GALNT13: variants seen among roughly 807,000 people sequenced by gnomAD.
GALNT13 encodes the protein UDP-GalNAc:polypeptide N-acetylgalactosaminyltransferase 13.
GALNT13 carries 28 observed loss-of-function variants against 64.2 expected under a neutral mutation model. The observed-to-expected ratio is 0.44, with a 90% confidence interval of 0.32 to 0.60. GALNT13 has a LOEUF of 0.60. Among genes scored for constraint, GALNT13 ranks in the 20% least tolerant of loss-of-function variants. The probability of loss-of-function intolerance (pLI) is 0.05; values close to 1 mark genes in which losing one functional copy is unlikely to be tolerated. For synonymous variants in GALNT13, 214 were observed against 224.6 expected, an observed-to-expected ratio of 0.95 and a Z score of 0.42; for missense variants, 577 against 669.8, an observed-to-expected ratio of 0.86 and a Z score of 1.53.
At chr2:154,390,089 C>T (rs1273715443) in intron 9 of GALNT13, among the ~76,000 whole-genome samples, 1 of 152,058 alleles carries the variant, frequency 6.6e-6, no homozygotes, top group Non-Finnish European at 1.5e-5. Context: ...ATAAAAAAAT[C>T]ATAAATATCA....
the GALNT13 span, among the ~76,000 whole-genome samples, chr2:153,646,958 T>A: frequency 6.6e-6 from 1 of 152,222 alleles, no homozygotes; most frequent in African/African-American, 2.4e-5. Context: ...GCATGATTTA[T>A]ATTCCTTTGG....
intron 11 of GALNT13, among the ~76,000 whole-genome samples, chr2:154,420,906 G>A (rs1215403501): frequency 6.6e-6 from 1 of 152,104 alleles, no homozygotes; most frequent in African/African-American, 2.4e-5. Context: ...TTGCTTTGCT[G>A]TACCTGTGAT....
At chr2:153,654,204 AG>A in the GALNT13 span, among the ~76,000 whole-genome samples, 2 of 152,156 alleles carry the variant, frequency 1.3e-5, no homozygotes, top group African/African-American at 4.8e-5. Context: ...TACAAAACAC[AG>A]TTTTTTCAAC....
At chr2:154,142,796 A>C (rs1461318403) in intron 4 of GALNT13, among the ~76,000 whole-genome samples, 1 of 151,820 alleles carries the variant, frequency 6.6e-6, no homozygotes, top group African/African-American at 2.4e-5. Context: ...TTATGTAAAA[A>C]TAATTTTACA....
intron 9 of GALNT13, among the ~76,000 whole-genome samples, chr2:154,354,643 T>C (rs1430552001): frequency 2.5e-4 from 38 of 151,474 alleles, no homozygotes; most frequent in Non-Finnish European, 1.2e-4. Context: ...ATGTGGAAAC[T>C]CACTTCTGCA....
At chr2:153,954,800 G>C (rs1169618593) in intron 3 of GALNT13, among the ~76,000 whole-genome samples, 1 of 151,974 alleles carries the variant, frequency 6.6e-6, no homozygotes, top group Non-Finnish European at 1.5e-5. Context: ...ACCTCTGCAA[G>C]GACTCACAGC....
chr2:153,794,594 C>G, the GALNT13 span, among the ~76,000 whole-genome samples: 9 of 150,912 alleles, frequency 6.0e-5, no homozygotes, highest in South Asian at 1.9e-3. Context: ...GATCTCAATT[C>G]ACTGCAACCT....
intron 9 of GALNT13, among the ~76,000 whole-genome samples, chr2:154,308,004 C>T (rs975399411): frequency 6.6e-6 from 1 of 151,990 alleles, no homozygotes; most frequent in African/African-American, 2.4e-5. Context: ...AGCTGTAGAT[C>T]AACAGGCATG....
chr2:153,226,001 T>A, the GALNT13 span, among the ~76,000 whole-genome samples: 1 of 151,834 alleles, frequency 6.6e-6, no homozygotes, highest in East Asian at 1.9e-4. Flanking sequence ...TGGTGCAATC[T>A]CGGCTCACTG....
At chr2:154,197,119 G>C (rs1476856503) in intron 4 of GALNT13, among the ~76,000 whole-genome samples, 1 of 151,964 alleles carries the variant, frequency 6.6e-6, no homozygotes, top group East Asian at 1.9e-4. Flanking sequence ...ACATCCTTAA[G>C]TTATTTGATT....
At chr2:153,674,183 C>T in the GALNT13 span, among the ~76,000 whole-genome samples, 35 of 152,194 alleles carry the variant, frequency 2.3e-4, no homozygotes, top group African/African-American at 8.0e-4. Flanking sequence ...ACTTTCTTCA[C>T]AGAATTGGAA....
the GALNT13 span, among the ~76,000 whole-genome samples, chr2:153,363,256 CA>C: frequency 6.6e-6 from 1 of 151,948 alleles, no homozygotes; most frequent in Non-Finnish European, 1.5e-5. Context: ...AAGTTTATAC[CA>C]CTGAAATGCC....
At chr2:153,935,865 G>A (rs961453700) in intron 2 of GALNT13, among the ~76,000 whole-genome samples, 1 of 152,152 alleles carries the variant, frequency 6.6e-6, no homozygotes, top group Non-Finnish European at 1.5e-5. Flanking sequence ...TTCCCCAGAT[G>A]TCAGTTATTG....
the GALNT13 span, among the ~76,000 whole-genome samples, chr2:153,612,433 G>A: frequency 1.3e-5 from 2 of 152,124 alleles, no homozygotes; most frequent in African/African-American, 4.8e-5. Context: ...AGTACATTTT[G>A]AAAGTAACAA....
rs183290234 is a variant in GALNT13, at chr2:154,013,632, C to T, written c.142+68993C>T. On this transcript the variant is annotated intron_variant, in intron 3 of 12. Coordinates refer to ENST00000392825, the MANE Select transcript of GALNT13 (RefSeq NM_052917.4). ...AGCAGGGGTGGGCTGCTGGTGGACA[C>T]GAGGTTCTGGAATCTGTGCACGCAG... Among the ~76,000 whole-genome samples, 94 of 152,146 alleles carry T rather than the reference C, an allele frequency of 6.2e-4. 2 individuals carry two copies. The East Asian group carries it at 0.015, about 25-fold the overall frequency.
In GALNT13 at chr2:154,314,482, T is replaced by C. The variant is rs150291240; in HGVS notation, c.1156+12893T>C. Among the ~76,000 whole-genome samples the C allele has an allele frequency of 9.9e-5, 15 of 152,274 alleles. No homozygotes were observed. The East Asian group carries it at 2.5e-3, about 26-fold the overall frequency. On this transcript the variant is annotated intron_variant, in intron 9 of 12. Coordinates refer to ENST00000392825, the MANE Select transcript of GALNT13 (RefSeq NM_052917.4). ...GTTGCTATAAAGGAATACCTGATGA[T>C]GAGTAATTTAAAAAGAAAAAAGGTT...
the GALNT13 span, among the ~76,000 whole-genome samples, chr2:153,266,494 A>G: frequency 1.3e-5 from 2 of 152,308 alleles, no homozygotes; most frequent in East Asian, 3.9e-4. Context: ...ACAGTTTTAC[A>G]TGGCTGAAGA....
the GALNT13 span, among the ~76,000 whole-genome samples, chr2:153,554,092 G>A: frequency 1.3e-5 from 2 of 151,770 alleles, no homozygotes; most frequent in African/African-American, 2.4e-5. Flanking sequence ...CAAGGTGGGC[G>A]GATCACGAGG....
At chr2:154,168,061 AG>A (rs1164450686) in intron 4 of GALNT13, among the ~76,000 whole-genome samples, 1 of 152,112 alleles carries the variant, frequency 6.6e-6, no homozygotes, top group Non-Finnish European at 1.5e-5. Flanking sequence ...CTGGAGTCCA[AG>A]TGGGGTGGGT....
Sources: gnomAD v4.1 joint callset for allele counts (sites outside exome capture counted in the v4.1 genomes callset) on GRCh38, gnomAD v4.1.1 for gene constraint, MANE v1.5 for transcripts, NCBI Gene and HGNC (gene_info 2026-07-23, HGNC 2026-07-21) for gene names.